Variants in PSMB3 observed in about 807,000 individuals in gnomAD.
PSMB3 encodes the protein proteasome subunit beta type-3.
In PSMB3, 5 loss-of-function variants were observed where a neutral mutation model predicts 23.3. The observed-to-expected ratio is 0.21, with a 90% confidence interval of 0.11 to 0.45. The LOEUF (loss-of-function observed/expected upper bound fraction) is 0.45. Among genes scored for constraint, PSMB3 ranks in the 20% least tolerant of loss-of-function variants. The pLI, the probability that PSMB3 is intolerant of heterozygous loss-of-function variation, is 0.99. For synonymous variants in PSMB3, 85 were observed against 99.8 expected (o/e 0.85, Z 0.88); for missense variants, 192 against 277.9 (o/e 0.69, Z 2.20).
intron 3 of PSMB3, 101 bp downstream of exon 3, chr17:38,756,091 T>C (rs1908186655): frequency 1.0e-6 from 1 of 969,246 alleles, no homozygotes; most frequent in East Asian, 2.5e-5. Flanking sequence ...TTCCATCTCT[T>C]ATTTGCAGGA....
At chr17:38,757,423 G>A (rs1908250835) in intron 3 of PSMB3, among the ~76,000 whole-genome samples, 1 of 151,954 alleles carries the variant, frequency 6.6e-6, no homozygotes, top group African/African-American at 2.4e-5. Context: ...GGAAGCTGAA[G>A]CATGAGAATT....
intron 3 of PSMB3, among the ~76,000 whole-genome samples, chr17:38,756,916 G>A (rs1242472238): frequency 7.0e-6 from 1 of 143,664 alleles, no homozygotes; most frequent in Non-Finnish European, 1.5e-5. Flanking sequence ...GTCTTGCTCT[G>A]TCGCCCTGGT....
intron 2 of PSMB3, among the ~76,000 whole-genome samples, 167 bp from the exon 3 acceptor site, chr17:38,755,716 G>GTGTGTGTGT (rs1567643499): frequency 3.2e-5 from 3 of 95,114 alleles, no homozygotes; most frequent in Admixed American, 2.0e-4. Context: ...GTGTGTGTGT[G>GTGTGTGTGT]CTGCCAAAGC....
chr17:38,753,837 G>C (rs1908044443), intron 2 of PSMB3, among the ~76,000 whole-genome samples: 2 of 152,142 alleles, frequency 1.3e-5, no homozygotes, highest in South Asian at 2.1e-4. Context: ...GAAACATCTT[G>C]CAAGCAGTTG....
chr17:38,758,768 C>T (rs994225245), intron 3 of PSMB3, among the ~76,000 whole-genome samples: 4 of 152,194 alleles, frequency 2.6e-5, no homozygotes, highest in African/African-American at 9.6e-5. Context: ...TGATCCAGGC[C>T]TGGAGCATTG....
At chr17:38,762,710 G>A (rs1908495861) in intron 5 of PSMB3, among the ~76,000 whole-genome samples, 1 of 152,170 alleles carries the variant, frequency 6.6e-6, no homozygotes, top group Non-Finnish European at 1.5e-5. Context: ...CCTCTTGTCA[G>A]GTGAGGTTCT....
At chr17:38,756,495 C>T (rs1029572715) in intron 3 of PSMB3, among the ~76,000 whole-genome samples, 3 of 152,010 alleles carry the variant, frequency 2.0e-5, no homozygotes, top group African/African-American at 7.2e-5. Flanking sequence ...AAGTTGAGCT[C>T]TCTTTTTCTT....
At chr17:38,764,098 T>C in intron 5 of PSMB3, 21 bp from the exon 6 acceptor site, 2 of 1,614,126 alleles carry the variant, frequency 1.2e-6, no homozygotes, top group Non-Finnish European at 1.7e-6. Context: ...GATGTTTTCT[T>C]GTGATTTTCT....
intron 2 of PSMB3, 67 bp from the exon 3 acceptor site, chr17:38,755,816 C>A: frequency 7.3e-7 from 1 of 1,366,754 alleles, no homozygotes; most frequent in Non-Finnish European, 1.0e-6. Flanking sequence ...GTTTCCCTGA[C>A]CTCAACAGGG....
intron 3 of PSMB3, among the ~76,000 whole-genome samples, chr17:38,756,557 G>T (rs137861885): frequency 6.6e-6 from 1 of 151,816 alleles, no homozygotes; most frequent in Non-Finnish European, 1.5e-5. Flanking sequence ...GTGCAGTGGC[G>T]TGATCTCGGC....
chr17:38,753,134 G>T lies in PSMB3; in HGVS notation c.4-16G>T, dbSNP rs374652637. On this transcript the variant is annotated splice_polypyrimidine_tract_variant and intron_variant, in intron 1 of 5. Transcript: ENST00000619426. ...TTTGACCCCCCGCGCTGACCCCTCC[G>T]CTCTGTCTGTCCTAGTCTATTATGT... 9 of 1,604,490 alleles carry T rather than the reference G, an allele frequency of 5.6e-6. No homozygotes were observed. The highest frequency in any genetic ancestry group is 6.8e-6 in the Non-Finnish European group (8 of 1,174,422).
At chr17:38,756,061 G>C in intron 3 of PSMB3, 71 bp downstream of exon 3, 3 of 1,219,070 alleles carry the variant, frequency 2.5e-6, no homozygotes, top group South Asian at 1.2e-5. Flanking sequence ...AGGTACTGAG[G>C]AAGAGGACTC....
chr17:38,761,932 C>G (rs1209090103), intron 4 of PSMB3: 1 of 154,448 alleles, frequency 6.5e-6, no homozygotes, highest in South Asian at 2.0e-4. Flanking sequence ...GATGTAGAGA[C>G]AGAGGATGGC....
Position 38,762,223 on chromosome 17 carries a change from T to A in PSMB3, c.475-188T>A, listed in dbSNP as rs958861727. The A allele has an allele frequency of 5.3e-6, 3 of 568,314 alleles. No homozygotes were observed. The Admixed American group carries it at 9.7e-5, about 18-fold the overall frequency. The allele number at this position is 568,314 out of a possible 1,614,324, so 35.2% of individuals were successfully genotyped here. A position where few individuals can be genotyped will look rare whatever the true frequency, so the allele number is the denominator to read the frequency against. On this transcript the variant is annotated intron_variant, in intron 4 of 5. Transcript: ENST00000619426. ...GCTTGAAGTCTCTTTCACTTTCCTT[T>A]ACATAATTCTGCTTCCTTCCAAGGA...
At position 38,757,984 on chromosome 17, in the gene PSMB3, T is replaced by G. The variant is rs1908280299; in HGVS notation, c.296+1994T>G. Reference sequence around the variant, plus strand: ...AAAAAAAAGTTAATAATATCTGGGATTATCTGGATAAGAACCTTAAAACCA... The same window carrying G: ...AAAAAAAAGTTAATAATATCTGGGAGTATCTGGATAAGAACCTTAAAACCA... On this transcript the variant is annotated intron_variant, in intron 3 of 5. Transcript: ENST00000619426. Among the ~76,000 whole-genome samples the G allele has an allele frequency of 5.3e-5, 8 of 152,240 alleles. No homozygotes were observed. In the South Asian group the frequency reaches 1.7e-3, roughly 32 times the overall value.
chr17:38,753,802 T>A (rs532078339), intron 2 of PSMB3, among the ~76,000 whole-genome samples: 1 of 152,306 alleles, frequency 6.6e-6, no homozygotes, highest in East Asian at 1.9e-4. Context: ...GACAACAATT[T>A]TGAGCAGACA....
intron 2 of PSMB3, among the ~76,000 whole-genome samples, chr17:38,755,682 A>ATGTG (rs67600372): frequency 2.8e-4 from 25 of 90,266 alleles, no homozygotes; most frequent in South Asian, 8.4e-4. Context: ...ATATATATAT[A>ATGTG]TGTGTGTGTG....
At chr17:38,760,245 TTAGAA>T (rs1908376545) in intron 3 of PSMB3, 181 bp from the exon 4 acceptor site, 1 of 599,062 alleles carries the variant, frequency 1.7e-6, no homozygotes, top group Non-Finnish European at 2.9e-6. Context: ...TGGAAAAGTC[TTAGAA>T]TATTTCTAGC....
intron 3 of PSMB3, among the ~76,000 whole-genome samples, chr17:38,757,091 G>A (rs536803330): frequency 3.6e-5 from 5 of 138,514 alleles, no homozygotes; most frequent in Non-Finnish European, 6.1e-5. Context: ...CACGCTGGTC[G>A]GGCTGGTCTT....
Sources: allele counts gnomAD v4.1 joint callset (sites outside exome capture counted in the v4.1 genomes callset), GRCh38; gene constraint gnomAD v4.1.1; transcripts MANE v1.5; gene names NCBI Gene and HGNC (gene_info 2026-07-23, HGNC 2026-07-21).